Variants in SRSF12 observed in about 807,000 individuals in gnomAD.
SRSF12 encodes the protein serine/arginine-rich splicing factor 12.
SRSF12 carries 21 observed loss-of-function variants against 34.1 expected under a neutral mutation model. The observed-to-expected ratio is 0.62, with a 90% CI of 0.44 to 0.89. SRSF12 has a LOEUF of 0.89. SRSF12 is among the 40% of genes least tolerant of loss of function. SRSF12 has a pLI of 0.00. For synonymous variants in SRSF12, 111 were observed against 110.8 expected (o/e 1.00, Z -0.01); for missense variants, 278 against 327.8 (o/e 0.85, Z 1.17).
Position 89,098,556 on chromosome 6 carries a change from G to C in SRSF12, c.*22C>G, listed in dbSNP as rs377575936. 11 of 1,587,226 alleles carry C rather than the reference G, an allele frequency of 6.9e-6. No individual in the cohort carries two copies. Among genetic ancestry groups the C allele is most frequent in the African/African-American group, 2.7e-5 (2 of 74,156 alleles). On this transcript the variant is annotated 3_prime_UTR_variant, in exon 5 of 5. Coordinates refer to ENST00000452027, the MANE Select transcript of SRSF12 (RefSeq NM_080743.5). The stretch of plus-strand genomic sequence containing the variant: ...TTTAATAACTTATATTAAAGACGGC[G>C]TGGTGCTCTTTCTGTTGCTGTTCAC...
At position 89,117,840 on chromosome 6, in the gene SRSF12, G is replaced by T; in HGVS notation, c.48C>A (p.Asn16Lys). The stretch of plus-strand genomic sequence containing the variant: ...CCGTTCACCTGGTGGCGTCCGCGAC[G>T]TTCCTGATGAACAGGGAGGTGTTGG... ...RPPNTSLFIR[N>K]VADATRPEDL... Residue 16 changes from asparagine (N) to lysine (K), a missense_variant, in exon 1 of 5, where the codon AAC becomes AAA. By Grantham distance (94) the Asn-to-Lys change is moderately conservative. Coordinates refer to ENST00000452027, the MANE Select transcript of SRSF12 (RefSeq NM_080743.5). 2.6e-6 allele frequency: 4 copies of T among 1,559,232 alleles called. No homozygotes were observed. The highest frequency in any genetic ancestry group is 1.9e-5 in the Admixed American group (1 of 53,012).
chr6:89,102,533 T>C (rs1461213930), intron 4 of SRSF12, among the ~76,000 whole-genome samples: 1 of 152,138 alleles, frequency 6.6e-6, no homozygotes, highest in Non-Finnish European at 1.5e-5. Context: ...ATTTCATTCA[T>C]TTTGTAGACA....
At chr6:89,116,925 G>A (rs935897117) in intron 1 of SRSF12, among the ~76,000 whole-genome samples, 7 of 151,996 alleles carry the variant, frequency 4.6e-5, no homozygotes, top group African/African-American at 1.7e-4. Flanking sequence ...AAAACTCTTA[G>A]TTTCCGCTCT....
chr6:89,115,870 C>T (rs1769273059), intron 1 of SRSF12, among the ~76,000 whole-genome samples: 2 of 149,938 alleles, frequency 1.3e-5, no homozygotes, highest in Admixed American at 1.3e-4. Context: ...CTCCTGACCT[C>T]GTGATCCGCC....
At chr6:89,117,035 C>T (rs1016400875) in intron 1 of SRSF12, among the ~76,000 whole-genome samples, 2 of 151,930 alleles carry the variant, frequency 1.3e-5, no homozygotes, top group African/African-American at 2.4e-5. Context: ...CGTTCCCTCT[C>T]CCCCCGCCCC....
At position 89,097,168 on chromosome 6, in the gene SRSF12, CT is replaced by C. The variant is rs1411848822; in HGVS notation, c.*1409del. ...TAGAAGCAACACTGGCTCCTATATA[CT>C]AAAAATATAAGACAGATTTTTTTCT... On this transcript the variant is annotated 3_prime_UTR_variant, in exon 5 of 5. Coordinates refer to ENST00000452027, the MANE Select transcript of SRSF12 (RefSeq NM_080743.5). 7 of 151,996 alleles carry C rather than the reference CT, an allele frequency of 4.6e-5. No homozygotes were observed. Among genetic ancestry groups the C allele is most frequent in the African/African-American group, 1.7e-4 (7 of 41,374 alleles). 9.4% of individuals were successfully genotyped at this position (151,996 alleles called of 1,614,324 possible).
At chr6:89,100,206 G>T (rs917252895) in intron 4 of SRSF12, among the ~76,000 whole-genome samples, 2 of 152,126 alleles carry the variant, frequency 1.3e-5, no homozygotes, top group African/African-American at 2.4e-5. Flanking sequence ...GCAAAAAACC[G>T]GAATTCAGAA....
intron 1 of SRSF12, among the ~76,000 whole-genome samples, chr6:89,114,584 T>G (rs191334109): frequency 1.3e-4 from 20 of 151,624 alleles, no homozygotes; most frequent in Admixed American, 1.3e-3. Flanking sequence ...AGATTTTGAT[T>G]GTCTGCCAGT....
rs142368909 is a variant in SRSF12 at position 89,098,304 on chromosome 6, A to C, written c.*274T>G. 4 of 295,026 alleles carry C rather than the reference A, an allele frequency of 1.4e-5. No individual in the cohort carries two copies. The highest frequency in any genetic ancestry group is 6.3e-6 in the Non-Finnish European group (1 of 159,034). The allele number at this position is 295,026 out of a possible 1,614,324, so 18.3% of individuals were successfully genotyped here. A position where few individuals can be genotyped will look rare whatever the true frequency, so the allele number is the denominator to read the frequency against. ...GAATTTTAAAAATTAGTTCCAGTTTACTCATTTCCCTTGAAAAGTACCCTT... is the reference window on the plus strand; with the variant it reads ...GAATTTTAAAAATTAGTTCCAGTTTCCTCATTTCCCTTGAAAAGTACCCTT... On this transcript the variant is annotated 3_prime_UTR_variant, in exon 5 of 5. Transcript: ENST00000452027.
chr6:89,117,830 C>G lies in SRSF12; in HGVS notation c.58G>C (p.Ala20Pro). The G allele has an allele frequency of 6.4e-7, 1 of 1,557,632 alleles. No individual in the cohort carries two copies. Among genetic ancestry groups the G allele is most frequent in the Non-Finnish European group, 8.7e-7 (1 of 1,154,594 alleles). Residue 20 changes from alanine to proline, a missense_variant, in exon 1 of 5, where the codon GCC (alanine) becomes CCC (proline). Ala to Pro is a conservative substitution (Grantham distance 27). Transcript: ENST00000452027. Reference protein sequence around the residue: ...TSLFIRNVADATRPEDLRREF... With the variant: ...TSLFIRNVADPTRPEDLRREF... ...GCAGCCGCGGCCGTTCACCTGGTGG[C>G]GTCCGCGACGTTCCTGATGAACAGG...
rs1169010578 is a variant in SRSF12 at position 89,105,189 on chromosome 6, T to C, written c.346A>G (p.Ser116Gly). 7 of 1,612,372 alleles carry C rather than the reference T, an allele frequency of 4.3e-6. No individual in the cohort carries two copies. In the Admixed American group the frequency reaches 1.0e-4, roughly 23 times the overall value. Reference protein sequence around the residue: ...PSDHRRSRSPSQRRTRSRSSS... With the variant: ...PSDHRRSRSPGQRRTRSRSSS... Reference sequence around the variant, plus strand: ...CTTCTACTTCGAGTTCTTCTTTGGCTGGGGCTTCTTGATCTCCTGTGATCA... The same window carrying C: ...CTTCTACTTCGAGTTCTTCTTTGGCCGGGGCTTCTTGATCTCCTGTGATCA... The change falls in exon 4 of 5, where the codon AGC (serine) becomes GGC (glycine). Residue 116 changes from serine (S) to glycine (G), a missense_variant. By Grantham distance (56) the Ser-to-Gly change is moderately conservative. Coordinates refer to ENST00000452027, the MANE Select transcript of SRSF12 (RefSeq NM_080743.5).
At position 89,105,489 on chromosome 6, in the gene SRSF12, A is replaced by T. The variant is rs756277592; in HGVS notation, c.212T>A (p.Leu71His). Residue 71 changes from leucine to histidine, a missense_variant, in exon 3 of 5, where the codon CTC (leucine) becomes CAC (histidine). Transcript: ENST00000452027. The part of the protein sequence containing the change: ...VRDAEDALYN[L>H]NRKWVCGRQI... ...ACGGCCACATACCCACTTTCTATTG[A>T]GGTTATAAAGAGCATCTTCAGCATC... 6.2e-7 allele frequency: 1 copy of T among 1,610,428 alleles called. No individual in the cohort carries two copies. The highest frequency in any genetic ancestry group is 1.7e-5 in the Admixed American group (1 of 59,226).
At chr6:89,115,012 G>A (rs1769227206) in intron 1 of SRSF12, among the ~76,000 whole-genome samples, 1 of 152,052 alleles carries the variant, frequency 6.6e-6, no homozygotes, top group African/African-American at 2.4e-5. Flanking sequence ...TGGCCAGGCT[G>A]GTCTCAAACT....
chr6:89,105,834 A>C (rs1680092907), intron 2 of SRSF12: 1 of 166,804 alleles, frequency 6.0e-6, no homozygotes, highest in African/African-American at 2.4e-5. Context: ...AAGAAAAACA[A>C]AAAAAAAGTC....
At chr6:89,106,949 G>C (rs900166257) in intron 2 of SRSF12, 1 of 614,152 alleles carries the variant, frequency 1.6e-6, no homozygotes, top group Admixed American at 2.1e-5. Context: ...CGCCTGCTGG[G>C]TTTATGCTTG....
chr6:89,107,015 T>A (rs753937517), intron 2 of SRSF12, 139 bp downstream of exon 2: 1 of 904,880 alleles, frequency 1.1e-6, no homozygotes, highest in Admixed American at 2.0e-5. Flanking sequence ...TACTGTGGAC[T>A]GCTTTAGATC....
At chr6:89,111,033 G>A (rs962893034) in intron 1 of SRSF12, among the ~76,000 whole-genome samples, 1 of 152,076 alleles carries the variant, frequency 6.6e-6, no homozygotes, top group Non-Finnish European at 1.5e-5. Context: ...AATCACTTGA[G>A]CCCAGGAGTT....
intron 1 of SRSF12, among the ~76,000 whole-genome samples, chr6:89,111,669 T>G (rs1769055274): frequency 6.6e-6 from 1 of 152,208 alleles, no homozygotes; most frequent in Non-Finnish European, 1.5e-5. Flanking sequence ...GGACCTGCAA[T>G]AAAACGTTGG....
chr6:89,103,331 CTTT>C (rs554480396), intron 4 of SRSF12, among the ~76,000 whole-genome samples: 1 of 141,356 alleles, frequency 7.1e-6, no homozygotes. Context: ...AATTTAAATT[CTTT>C]TTTTTTTTTT....
Sources: gnomAD v4.1 joint callset for allele counts (sites outside exome capture counted in the v4.1 genomes callset) on GRCh38, gnomAD v4.1.1 for gene constraint, MANE v1.5 for transcripts, NCBI Gene and HGNC (gene_info 2026-07-23, HGNC 2026-07-21) for gene names.